The following COL6A2 variants were observed in gnomAD, a reference collection of about 807,000 sequenced individuals.
The protein encoded by COL6A2 is collagen alpha-2(VI) chain.
COL6A2 carries 90 observed loss-of-function variants against 124.9 expected under a neutral mutation model. That is an observed-to-expected ratio of 0.72 (90% CI 0.61 to 0.86). COL6A2 has a LOEUF of 0.86. Ranked by LOEUF, COL6A2 falls within the 40% of genes least tolerant of loss-of-function variation. The pLI is 0.00. For synonymous variants in COL6A2, 793 were observed against 618.2 expected (o/e 1.28, Z -4.19); for missense variants, 1,607 against 1,502.5 (o/e 1.07, Z -1.15).
At position 46,112,698 on chromosome 21, in the gene COL6A2, A is replaced by G; in HGVS notation, c.715-106A>G. On this transcript the variant is annotated intron_variant, in intron 3 of 27. Coordinates refer to ENST00000300527, the MANE Select transcript of COL6A2 (RefSeq NM_001849.4). ...GAGGCCGAAGGAGGAAGCTCCGGGC[A>G]GGGCCTGGGCCACTCAGGTGTCCCT... 11 of 1,598,604 alleles carry G rather than the reference A, an allele frequency of 6.9e-6. No individual in the cohort carries two copies. The South Asian group carries it at 1.2e-4, about 18-fold the overall frequency.
chr21:46,121,045 C>G lies in COL6A2; in HGVS notation c.1396-16C>G. The stretch of plus-strand genomic sequence containing the variant: ...TGTCAGTCAAGAGAACCCCAAATTC[C>G]TCCCCTTTCTTCCAGGGAGACCGAG... On this transcript the variant is annotated splice_polypyrimidine_tract_variant and intron_variant, in intron 16 of 27. Transcript: ENST00000300527. The G allele has an allele frequency of 6.2e-7, 1 of 1,612,512 alleles. No individual in the cohort carries two copies. The highest frequency in any genetic ancestry group is 8.5e-7 in the Non-Finnish European group (1 of 1,179,686).
chr21:46,120,562 C>G lies in COL6A2; in HGVS notation c.1380C>G (p.Gly460=). 6.8e-7 allele frequency: 1 copy of G among 1,468,158 alleles called. No homozygotes were observed. Among genetic ancestry groups the G allele is most frequent in the Non-Finnish European group, 9.0e-7 (1 of 1,110,426 alleles). The allele number at this position is 1,468,158 out of a possible 1,614,324, so 90.9% of individuals were successfully genotyped here. ...CCCGCGGCCTGGCTGGAGAGGTTGG[C>G]AACAAAGGAGCCAAGGTAGGGGAGC... ...EGPRGLAGEV[G]NKGAKGDRGL... The change falls in exon 16 of 28, where the codon GGC becomes GGG. Residue 460 remains glycine, a synonymous_variant. Coordinates refer to ENST00000300527, the MANE Select transcript of COL6A2 (RefSeq NM_001849.4).
chr21:46,115,134 C>T (rs559674690), intron 5 of COL6A2, among the ~76,000 whole-genome samples: 2 of 152,232 alleles, frequency 1.3e-5, no homozygotes, highest in East Asian at 1.9e-4. Context: ...TGGCTGCACA[C>T]AGCAGTGCAG....
chr21:46,100,093 TTTTG>T (rs372761367), intron 1 of COL6A2, among the ~76,000 whole-genome samples: 36 of 151,960 alleles, frequency 2.4e-4, no homozygotes, highest in African/African-American at 4.1e-4. Flanking sequence ...TTTTTTGGTT[TTTTG>T]TTTGTTTGTT....
intron 27 of COL6A2, chr21:46,129,024 A>G (rs1442877211): frequency 1.2e-6 from 2 of 1,602,156 alleles, no homozygotes; most frequent in Non-Finnish European, 1.7e-6. Context: ...CACTGCCCCC[A>G]CGCCTCCTGC....
At chr21:46,131,181 A>G (rs1354079357) in intron 27 of COL6A2, among the ~76,000 whole-genome samples, 1 of 152,194 alleles carries the variant, frequency 6.6e-6, no homozygotes, top group East Asian at 1.9e-4. Flanking sequence ...GTGAGGCCAC[A>G]GGGCCAGGTC....
At chr21:46,102,393 G>A (rs1285180210) in intron 1 of COL6A2, among the ~76,000 whole-genome samples, 1 of 151,566 alleles carries the variant, frequency 6.6e-6, no homozygotes, top group African/African-American at 2.4e-5. Context: ...TCTTTTTCTT[G>A]CCCAATTGCT....
chr21:46,121,486 A>G, intron 17 of COL6A2, 70 bp from the exon 18 acceptor site: 1 of 1,465,146 alleles, frequency 6.8e-7, no homozygotes, highest in Non-Finnish European at 9.5e-7. Flanking sequence ...TGGACGGGGC[A>G]TGTCAGGTGA....
rs561344069 is a variant in COL6A2, at chr21:46,110,797, G to A, written c.-27-653G>A. On this transcript the variant is annotated intron_variant, in intron 1 of 27. Transcript: ENST00000300527. ...CCAGCAGCACAGTGAGGCCCGTCCT[G>A]ATGGCCTCCTGGAGCTGGAGCTTAG... is the stretch of plus-strand genomic sequence containing the variant. Among the ~76,000 whole-genome samples, 385 of 152,378 alleles carry A rather than the reference G, an allele frequency of 2.5e-3. 1 individual carries two copies. The highest frequency in any genetic ancestry group is 0.024 in the Middle Eastern group (7 of 294).
chr21:46,116,741 AT>A lies in COL6A2; in HGVS notation c.955-28del. The A allele has an allele frequency of 6.2e-7, 1 of 1,613,052 alleles. No individual in the cohort carries two copies. The highest frequency in any genetic ancestry group is 8.5e-7 in the Non-Finnish European group (1 of 1,180,012). The stretch of plus-strand genomic sequence containing the variant: ...GCTCAGGGCAGAAGGACCGGGGCTA[AT>A]GGAGTTCCCTCTTCCTTCTCTCTTC... On this transcript the variant is annotated intron_variant, in intron 9 of 27. Coordinates refer to ENST00000300527, the MANE Select transcript of COL6A2 (RefSeq NM_001849.4). This position sits in a 1 kb window ranked among gnomAD's most constrained non-coding sequence, Gnocchi z 4.6.
In COL6A2 at chr21:46,112,564, T is replaced by C. The variant is rs756413425; in HGVS notation, c.701T>C (p.Ile234Thr). The C allele has an allele frequency of 1.9e-5, 31 of 1,611,338 alleles. No individual in the cohort carries two copies. Among genetic ancestry groups the C allele is most frequent in the Non-Finnish European group, 2.3e-5 (27 of 1,179,740 alleles). Residue 234 changes from isoleucine to threonine, a missense_variant, in exon 3 of 28, where the codon ATC (isoleucine) becomes ACC (threonine). Around this residue, in one of 3 missense-constraint regions of COL6A2, gnomAD observed 342 missense variants for 381.5 expected, o/e 0.90. Coordinates refer to ENST00000300527, the MANE Select transcript of COL6A2 (RefSeq NM_001849.4). ...ATCGACCAGGACACCATCAACCGCA[T>C]CATCAAGGTCATGGTGAGCCGCGGG... ...TEIDQDTINRIIKVMKHEAYG... is the reference protein window; with the variant it reads ...TEIDQDTINRTIKVMKHEAYG...
At chr21:46,117,970 G>T (rs1459352153) in intron 12 of COL6A2, 34 bp downstream of exon 12, 6 of 1,592,970 alleles carry the variant, frequency 3.8e-6, no homozygotes, top group African/African-American at 1.3e-5. Context: ...GGGCAGGCGG[G>T]GTCACCAGCT....
Position 46,131,664 on chromosome 21 carries a change from A to G in COL6A2, c.2462-290A>G, listed in dbSNP as rs541096650. ...TGGGCCCCTTCCCTCCCAGGAGGGC[A>G]GCCTGTGCAGGGATGGTGCTCAGCA... On this transcript the variant is annotated intron_variant, in intron 27 of 27. Coordinates refer to ENST00000300527, the MANE Select transcript of COL6A2 (RefSeq NM_001849.4). Among the ~76,000 whole-genome samples the G allele has an allele frequency of 4.6e-5, 7 of 152,286 alleles. No individual in the cohort carries two copies. In the East Asian group the frequency reaches 1.4e-3, roughly 29 times the overall value.
chr21:46,118,803 G>A (rs2078516605), intron 13 of COL6A2, 127 bp downstream of exon 13: 4 of 1,204,510 alleles, frequency 3.3e-6, no homozygotes, highest in Admixed American at 4.0e-5. Context: ...TGGGGACACG[G>A]GGAGGGACAG....
At chr21:46,109,497 C>T (rs547249014) in intron 1 of COL6A2, among the ~76,000 whole-genome samples, 18 of 152,318 alleles carry the variant, frequency 1.2e-4, no homozygotes, top group Admixed American at 3.3e-4. Context: ...ACTGGGGACC[C>T]ATCCTCTTCT....
rs1027794517 is a variant in COL6A2 at position 46,121,501 on chromosome 21, T to G, written c.1459-55T>G. 271 of 1,558,924 alleles carry G rather than the reference T, an allele frequency of 1.7e-4. 1 individual carries two copies. Among genetic ancestry groups the G allele is most frequent in the Non-Finnish European group, 2.2e-4 (249 of 1,132,042 alleles). ...TGGACGGGGCATGTCAGGTGACCCC[T>G]GGGCATGGCCAGTCCCTGCCTGTGC... On this transcript the variant is annotated intron_variant, in intron 17 of 27. Transcript: ENST00000300527.
intron 13 of COL6A2, 49 bp from the exon 14 acceptor site, chr21:46,118,981 C>T (rs765881691): frequency 1.4e-6 from 2 of 1,405,984 alleles, no homozygotes; most frequent in Non-Finnish European, 1.0e-6. Flanking sequence ...CGTGACCATG[C>T]CTCAGGGCCC....
At chr21:46,127,923 G>A (rs1209981741) in intron 27 of COL6A2, among the ~76,000 whole-genome samples, 9 of 152,338 alleles carry the variant, frequency 5.9e-5, no homozygotes, top group East Asian at 1.9e-4. Context: ...CCAGCCCTGC[G>A]TGCCCGGGAT....
At chr21:46,120,444 C>A in intron 15 of COL6A2, 71 bp from the exon 16 acceptor site, 5 of 1,298,386 alleles carry the variant, frequency 3.9e-6, no homozygotes, top group South Asian at 2.6e-5. Flanking sequence ...CCGGCCACAC[C>A]CGCCTCTCAC....
Sources: gnomAD v4.1 joint callset for allele counts (sites outside exome capture counted in the v4.1 genomes callset) on GRCh38, gnomAD v4.1.1 for gene constraint, gnomAD v4.1.1 regional missense constraint, Gnocchi (gnomAD v3.1) non-coding constraint, MANE v1.5 for transcripts, NCBI Gene and HGNC (gene_info 2026-07-23, HGNC 2026-07-21) for gene names.